The following AAGAB variants were observed in gnomAD, a reference collection of about 807,000 sequenced individuals.
The protein encoded by AAGAB is alpha- and gamma-adaptin-binding protein p34.
Under a neutral mutation model 44.1 loss-of-function variants are expected in AAGAB, and 38 were observed. The observed-to-expected ratio is 0.86, with a 90% confidence interval of 0.67 to 1.13. The LOEUF is 1.13. Ranked by LOEUF, AAGAB falls within the 50% of genes most tolerant of loss-of-function variation. The probability of loss-of-function intolerance (pLI) is 0.00; values close to 1 mark genes in which losing one functional copy is unlikely to be tolerated. For missense variants in AAGAB, 450 were observed against 373.8 expected, an observed-to-expected ratio of 1.20 and a Z score of -1.68; for synonymous variants, 131 against 131.8, an observed-to-expected ratio of 0.99 and a Z score of 0.04.
intron 1 of AAGAB, among the ~76,000 whole-genome samples, chr15:67,239,738 TA>T (rs1964552254): frequency 6.6e-6 from 1 of 152,268 alleles, no homozygotes; most frequent in African/African-American, 2.4e-5. Context: ...ACCAATATCA[TA>T]ATGTAGAGTT....
At chr15:67,232,205 G>C (rs1158507122) in intron 4 of AAGAB, among the ~76,000 whole-genome samples, 6 of 146,302 alleles carry the variant, frequency 4.1e-5, no homozygotes, top group African/African-American at 1.5e-4. Context: ...GGTGAGCCGA[G>C]ATGGCACCAT....
At chr15:67,255,016 C>T (rs1335960690), upstream of AAGAB, 2 of 1,470,102 alleles carry the variant, frequency 1.4e-6, no homozygotes, top group Non-Finnish European at 1.9e-6. Flanking sequence ...TCCCGCGCGC[C>T]GATTCACCGA....
chr15:67,232,249 C>CAAAAA (rs34877999), intron 4 of AAGAB, among the ~76,000 whole-genome samples: 1 of 88,678 alleles, frequency 1.1e-5, no homozygotes, highest in South Asian at 3.3e-4. Flanking sequence ...AACTCCATCT[C>CAAAAA]AAAAAAAAAA....
chr15:67,228,620 C>T (rs1007613336), intron 5 of AAGAB, among the ~76,000 whole-genome samples: 3 of 152,170 alleles, frequency 2.0e-5, no homozygotes, highest in Non-Finnish European at 4.4e-5. Context: ...AATCCCATTA[C>T]TCAGTATACA....
chr15:67,243,471 A>G (rs1380434428), intron 1 of AAGAB, among the ~76,000 whole-genome samples: 2 of 152,160 alleles, frequency 1.3e-5, no homozygotes, highest in Non-Finnish European at 2.9e-5. Flanking sequence ...ATTCTCCCCA[A>G]TCCTGCCAAG....
chr15:67,254,938 C>T, upstream of AAGAB: 5 of 1,613,662 alleles, frequency 3.1e-6, no homozygotes, highest in Non-Finnish European at 4.2e-6. Flanking sequence ...TCGGATCCAT[C>T]TTAATCCAGG....
chr15:67,215,714 A>G (rs937242658), intron 5 of AAGAB, among the ~76,000 whole-genome samples: 1 of 152,264 alleles, frequency 6.6e-6, no homozygotes, highest in Non-Finnish European at 1.5e-5. Flanking sequence ...GTTTGAATAA[A>G]AAATTCTTTT....
intron 5 of AAGAB, among the ~76,000 whole-genome samples, chr15:67,223,337 G>C (rs1964126165): frequency 6.6e-6 from 1 of 152,142 alleles, no homozygotes; most frequent in African/African-American, 2.4e-5. Flanking sequence ...AACTCAACAT[G>C]TCCAAAAATG....
rs867305237 is a variant in AAGAB at position 67,226,279 on chromosome 15, C to T, written c.535+5535G>A. Among the ~76,000 whole-genome samples, 14 of 152,020 alleles carry T rather than the reference C, an allele frequency of 9.2e-5. No individual in the cohort carries two copies. In the South Asian group the frequency reaches 2.9e-3, roughly 32 times the overall value. On this transcript the variant is annotated intron_variant, in intron 5 of 9. Coordinates refer to ENST00000261880, the MANE Select transcript of AAGAB (RefSeq NM_024666.5). Reference sequence around the variant, plus strand: ...TCCCCAATAGCTGGGACTACAGGTCCGGTTGATTTTTAGAATTTTTTTGTA... The same window carrying T: ...TCCCCAATAGCTGGGACTACAGGTCTGGTTGATTTTTAGAATTTTTTTGTA...
chr15:67,232,370 A>AGAG, intron 4 of AAGAB: 1 of 179,350 alleles, frequency 5.6e-6, no homozygotes, highest in Non-Finnish European at 1.2e-5. Context: ...AATCAAATAC[A>AGAG]GAGCTTGGAG....
At chr15:67,207,532 T>C (rs906808587) in intron 7 of AAGAB, among the ~76,000 whole-genome samples, 1 of 152,256 alleles carries the variant, frequency 6.6e-6, no homozygotes, top group Non-Finnish European at 1.5e-5. Flanking sequence ...TTTTATTTTC[T>C]ATATGTCAGT....
At chr15:67,250,307 G>C (rs921570327) in intron 1 of AAGAB, among the ~76,000 whole-genome samples, 1 of 152,140 alleles carries the variant, frequency 6.6e-6, no homozygotes, top group Non-Finnish European at 1.5e-5. Context: ...CACCTGAGTA[G>C]CTAGGATTAT....
intron 6 of AAGAB, among the ~76,000 whole-genome samples, chr15:67,209,125 C>A (rs1281421392): frequency 2.0e-5 from 3 of 152,148 alleles, no homozygotes; most frequent in Non-Finnish European, 4.4e-5. Flanking sequence ...GGACAGGGAC[C>A]TTGCCTCAGA....
intron 1 of AAGAB, among the ~76,000 whole-genome samples, chr15:67,242,416 C>T (rs1164774374): frequency 5.1e-5 from 4 of 78,582 alleles, no homozygotes; most frequent in South Asian, 5.0e-4. Flanking sequence ...GGCGACAGAG[C>T]GAGACTCCGT....
chr15:67,219,865 A>G (rs1362969006), intron 5 of AAGAB, among the ~76,000 whole-genome samples: 1 of 152,252 alleles, frequency 6.6e-6, no homozygotes, highest in Non-Finnish European at 1.5e-5. Context: ...AGGAAAATTT[A>G]AAAATCTCTT....
At position 67,231,841 on chromosome 15, in the gene AAGAB, C is replaced by A. The variant is rs753883773; in HGVS notation, c.508G>T (p.Val170Leu). ...KRIVQALNAN[V>L]WSNVVMKNDR... ...TTCTTCATCACTACATTGGACCACA[C>A]ATTGGCATTCAGGGCTTGGACAATT... Residue 170 changes from valine to leucine, a missense_variant, in exon 5 of 10, where the codon GTG becomes TTG. Physicochemically the swap from Val to Leu is conservative, Grantham distance 32. Coordinates refer to ENST00000261880, the MANE Select transcript of AAGAB (RefSeq NM_024666.5). 3 of 1,612,638 alleles carry A rather than the reference C, an allele frequency of 1.9e-6. No individual in the cohort carries two copies. The highest frequency in any genetic ancestry group is 1.7e-6 in the Non-Finnish European group (2 of 1,178,848).
At chr15:67,237,156 T>C (rs1001064107) in intron 1 of AAGAB, among the ~76,000 whole-genome samples, 1 of 152,206 alleles carries the variant, frequency 6.6e-6, no homozygotes, top group East Asian at 1.9e-4. Flanking sequence ...CTATTTATTG[T>C]ATTGCTTAAG....
intron 1 of AAGAB, among the ~76,000 whole-genome samples, chr15:67,238,880 A>G (rs1298405241): frequency 6.6e-6 from 1 of 152,124 alleles, no homozygotes; most frequent in Non-Finnish European, 1.5e-5. Context: ...TATTTTTAGT[A>G]CAGACAGGGT....
rs192902287 is a variant in AAGAB at position 67,212,177 on chromosome 15, G to A, written c.536-2633C>T. Among the ~76,000 whole-genome samples the A allele has an allele frequency of 1.3e-3, 192 of 152,242 alleles. 1 individual carries two copies. Among genetic ancestry groups the A allele is most frequent in the Admixed American group, 9.7e-3 (149 of 15,290 alleles). On this transcript the variant is annotated intron_variant, in intron 5 of 9. Transcript: ENST00000261880. ...ATTATAGGCGTGAGCTACGGCACCCGGCCGAAATGCTTAATTCTTTACAGT... is the reference window on the plus strand; with the variant it reads ...ATTATAGGCGTGAGCTACGGCACCCAGCCGAAATGCTTAATTCTTTACAGT...
Sources: allele counts gnomAD v4.1 joint callset (sites outside exome capture counted in the v4.1 genomes callset), GRCh38; gene constraint gnomAD v4.1.1; transcripts MANE v1.5; gene names NCBI Gene and HGNC (gene_info 2026-07-23, HGNC 2026-07-21).